Variants in GALNT13 observed in about 807,000 individuals in gnomAD.
The protein encoded by GALNT13 is polypeptide N-acetylgalactosaminyltransferase 13.
In GALNT13, 28 loss-of-function variants were observed where a neutral mutation model predicts 64.2. The observed-to-expected ratio is 0.44, with a 90% confidence interval of 0.32 to 0.60. GALNT13 has a LOEUF of 0.60. Ranked by LOEUF, GALNT13 falls within the 20% of genes least tolerant of loss-of-function variation. GALNT13 has a pLI of 0.05. For synonymous variants in GALNT13, 214 were observed against 224.6 expected, an observed-to-expected ratio of 0.95 and a Z score of 0.42; for missense variants, 577 against 669.8, an observed-to-expected ratio of 0.86 and a Z score of 1.53.
the GALNT13 span, among the ~76,000 whole-genome samples, chr2:153,083,430 A>T: frequency 6.6e-6 from 1 of 152,148 alleles, no homozygotes; most frequent in South Asian, 2.1e-4. Flanking sequence ...AATTATGGCT[A>T]TTCTTGCAGG....
intron 4 of GALNT13, among the ~76,000 whole-genome samples, chr2:154,140,749 G>A (rs1683215357): frequency 6.6e-6 from 1 of 152,106 alleles, no homozygotes; most frequent in Non-Finnish European, 1.5e-5. Flanking sequence ...GTTTTTCTAT[G>A]TGAGATGTTT....
At chr2:153,080,505 ATTAG>A in the GALNT13 span, among the ~76,000 whole-genome samples, 3 of 152,098 alleles carry the variant, frequency 2.0e-5, no homozygotes, top group African/African-American at 7.2e-5. Flanking sequence ...AGAGTGCTGT[ATTAG>A]TTCTAATTTT....
chr2:153,646,849 A>T, the GALNT13 span, among the ~76,000 whole-genome samples: 2 of 152,018 alleles, frequency 1.3e-5, no homozygotes, highest in Non-Finnish European at 2.9e-5. Context: ...ACATTTTCTT[A>T]ATCCAGTCTA....
At chr2:153,362,086 A>G in the GALNT13 span, among the ~76,000 whole-genome samples, 1 of 152,172 alleles carries the variant, frequency 6.6e-6, no homozygotes, top group Non-Finnish European at 1.5e-5. Flanking sequence ...TAAAGAAAAG[A>G]ATTTTCAACT....
chr2:154,393,202 A>G (rs953189704), intron 9 of GALNT13, among the ~76,000 whole-genome samples: 1 of 152,206 alleles, frequency 6.6e-6, no homozygotes, highest in Non-Finnish European at 1.5e-5. Flanking sequence ...AAGATTACAT[A>G]TCAAACCATG....
At chr2:154,244,149 G>A (rs1447257821) in intron 6 of GALNT13, among the ~76,000 whole-genome samples, 1 of 151,550 alleles carries the variant, frequency 6.6e-6, no homozygotes, top group African/African-American at 2.4e-5. Context: ...AGCTTTTAAT[G>A]TTTCAATACG....
chr2:153,188,761 A>G, the GALNT13 span, among the ~76,000 whole-genome samples: 3 of 152,114 alleles, frequency 2.0e-5, no homozygotes, highest in African/African-American at 4.8e-5. Context: ...TTCCAGTGCA[A>G]TATTTGTTTT....
At chr2:154,226,152 A>C (rs1408513054) in intron 4 of GALNT13, among the ~76,000 whole-genome samples, 3 of 152,132 alleles carry the variant, frequency 2.0e-5, no homozygotes, top group Admixed American at 6.6e-5. Context: ...GGGCAGGAGA[A>C]GGTCAGAGAA....
chr2:154,063,770 G>T (rs536995214), intron 3 of GALNT13, among the ~76,000 whole-genome samples: 16 of 152,190 alleles, frequency 1.1e-4, no homozygotes, highest in Admixed American at 7.9e-4. Flanking sequence ...AAAGCAAGAG[G>T]TTTTTTGCAG....
intron 3 of GALNT13, among the ~76,000 whole-genome samples, chr2:153,992,568 C>T (rs1574282526): frequency 1.3e-5 from 2 of 152,080 alleles, no homozygotes; most frequent in African/African-American, 4.8e-5. Flanking sequence ...ACTGAATGAT[C>T]TGATTGTATA....
At chr2:153,331,863 ACCTGTTTTGTATTTCAGTTTCTTCCTG>A in the GALNT13 span, among the ~76,000 whole-genome samples, 192 of 152,058 alleles carry the variant, frequency 1.3e-3, 1 homozygote, top group African/African-American at 4.5e-3. Flanking sequence ...CTCAATATTG[ACCTGTTTTGTATTTCAGTTTCTTCCTG>A]TTTCAATCTT....
chr2:153,520,790 A>C, the GALNT13 span, among the ~76,000 whole-genome samples: 1 of 152,180 alleles, frequency 6.6e-6, no homozygotes, highest in South Asian at 2.1e-4. Context: ...TATCTTCATA[A>C]ATTATTAGAA....
chr2:154,047,386 C>T (rs1699345077), intron 3 of GALNT13, among the ~76,000 whole-genome samples: 1 of 152,098 alleles, frequency 6.6e-6, no homozygotes. Flanking sequence ...TTATCAGAAA[C>T]ACGCTTCTTT....
intron 3 of GALNT13, among the ~76,000 whole-genome samples, chr2:154,015,566 T>G (rs915708779): frequency 6.6e-6 from 1 of 152,234 alleles, no homozygotes; most frequent in Admixed American, 6.5e-5. Flanking sequence ...AGTGGACAAC[T>G]TTTCCCATTT....
At chr2:153,658,594 C>A in the GALNT13 span, among the ~76,000 whole-genome samples, 7 of 152,148 alleles carry the variant, frequency 4.6e-5, no homozygotes, top group South Asian at 1.5e-3. Flanking sequence ...TAAAAATTAT[C>A]AAATAGTGCT....
the GALNT13 span, among the ~76,000 whole-genome samples, chr2:153,565,170 T>A: frequency 6.6e-6 from 1 of 152,160 alleles, no homozygotes; most frequent in Non-Finnish European, 1.5e-5. Flanking sequence ...TTTAAGCTGC[T>A]AAGTTTTTGG....
intron 2 of GALNT13, among the ~76,000 whole-genome samples, chr2:153,910,115 A>G (rs1688841569): frequency 1.3e-5 from 2 of 151,270 alleles, no homozygotes; most frequent in Admixed American, 1.3e-4. Flanking sequence ...TCAATTTCAG[A>G]ATTCATTATT....
chr2:153,284,167 C>A, the GALNT13 span, among the ~76,000 whole-genome samples: 1 of 152,144 alleles, frequency 6.6e-6, no homozygotes, highest in Non-Finnish European at 1.5e-5. Flanking sequence ...CCCTACTGCA[C>A]CACAATCTCA....
At chr2:153,132,095 A>G in the GALNT13 span, among the ~76,000 whole-genome samples, 1 of 152,196 alleles carries the variant, frequency 6.6e-6, no homozygotes, top group African/African-American at 2.4e-5. Flanking sequence ...ATTCATGTAT[A>G]GGTGATTTCA....
Sources: gnomAD v4.1 joint callset for allele counts (sites outside exome capture counted in the v4.1 genomes callset) on GRCh38, gnomAD v4.1.1 for gene constraint, MANE v1.5 for transcripts, NCBI Gene and HGNC (gene_info 2026-07-23, HGNC 2026-07-21) for gene names.